The following NSD1 variants were observed in gnomAD, a reference collection of about 807,000 sequenced individuals.
The protein encoded by NSD1 is histone-lysine N-methyltransferase, H3 lysine-36 specific.
NSD1 carries 26 observed loss-of-function variants against 242.7 expected under a neutral mutation model. The observed-to-expected ratio is 0.11, with a 90% confidence interval of 0.08 to 0.15. The LOEUF (loss-of-function observed/expected upper bound fraction) is 0.15. NSD1 is among the 10% of genes least tolerant of loss of function. NSD1 has a pLI of 1.00. For synonymous variants in NSD1, 1,106 were observed against 1,178.1 expected, an observed-to-expected ratio of 0.94 and a Z score of 1.25; for missense variants, 2,495 against 3,272.8, an observed-to-expected ratio of 0.76 and a Z score of 5.80.
At chr5:177,164,122 A>G (rs1194188755) in intron 2 of NSD1, among the ~76,000 whole-genome samples, 1 of 148,008 alleles carries the variant, frequency 6.8e-6, no homozygotes. Context: ...AATCTGTCCC[A>G]TCCTGTTCTT....
At chr5:177,172,816 C>G (rs1330447983) in intron 2 of NSD1, among the ~76,000 whole-genome samples, 1 of 151,594 alleles carries the variant, frequency 6.6e-6, no homozygotes, top group Non-Finnish European at 1.5e-5. Context: ...TAAAAACTAG[C>G]TGGGCATGGT....
chr5:177,294,528 C>T lies in NSD1; in HGVS notation c.7160C>T (p.Pro2387Leu), dbSNP rs766700264. The T allele has an allele frequency of 4.0e-5, 64 of 1,614,074 alleles. 1 individual carries two copies. The South Asian group carries it at 4.1e-4, about 10-fold the overall frequency. Residue 2387 changes from proline to leucine, a missense_variant, in exon 23 of 23, where the codon CCG becomes CTG. Physicochemically the swap from Pro to Leu is moderately conservative, Grantham distance 98. Coordinates refer to ENST00000439151, the MANE Select transcript of NSD1 (RefSeq NM_022455.5). ...KTSVPTGLRL[P>L]PPDRLLITSS... Reference sequence around the variant, plus strand: ...TCAGTTCCCACTGGCCTGAGACTTCCGCCGCCAGACAGACTGCTCATTACT... The same window carrying T: ...TCAGTTCCCACTGGCCTGAGACTTCTGCCGCCAGACAGACTGCTCATTACT...
chr5:177,185,925 T>C (rs1761141962), intron 2 of NSD1, among the ~76,000 whole-genome samples: 1 of 90,028 alleles, frequency 1.1e-5, no homozygotes, highest in South Asian at 2.9e-4. Context: ...TATATTTATA[T>C]ATATAAATAA....
In NSD1 at chr5:177,297,597, C is replaced by T. The variant is rs1760330688; in HGVS notation, c.*2138C>T. The T allele has an allele frequency of 5.0e-6, 1 of 200,644 alleles. No individual in the cohort carries two copies. The highest frequency in any genetic ancestry group is 2.7e-5 in the African/African-American group (1 of 36,606). 12.4% of individuals were successfully genotyped at this position (200,644 alleles called of 1,614,324 possible). A position where few individuals can be genotyped will look rare whatever the true frequency, so the allele number is the denominator to read the frequency against. On this transcript the variant is annotated 3_prime_UTR_variant, in exon 23 of 23. Transcript: ENST00000439151. ...ATCTGCACTGCACTGTCAGAGTCTC[C>T]TTTCACTATGTTGTGTGTTAAATTA... is the stretch of plus-strand genomic sequence containing the variant.
At chr5:177,188,745 T>G (rs1485360826) in intron 2 of NSD1, among the ~76,000 whole-genome samples, 1 of 152,100 alleles carries the variant, frequency 6.6e-6, no homozygotes, top group Non-Finnish European at 1.5e-5. Flanking sequence ...ACGCCCAGCC[T>G]CGCCTCCTTA....
intron 2 of NSD1, among the ~76,000 whole-genome samples, 174 bp from the exon 3 acceptor site, chr5:177,191,710 T>C (rs886729000): frequency 2.0e-5 from 3 of 152,244 alleles, no homozygotes; most frequent in African/African-American, 4.8e-5. Context: ...GGCTATGTTA[T>C]GAACAATTAA....
Position 177,269,797 on chromosome 5 carries a change from A to G in NSD1, c.5499A>G (p.Thr1833=), listed in dbSNP as rs747153099. 3 of 1,611,264 alleles carry G rather than the reference A, an allele frequency of 1.9e-6. No homozygotes were observed. The highest frequency in any genetic ancestry group is 2.5e-6 in the Non-Finnish European group (3 of 1,178,246). The change falls in exon 16 of 23, where the codon ACA becomes ACG. Residue 1833 remains threonine (T), a synonymous_variant. Transcript: ENST00000439151. This position sits in a 1 kb window ranked among gnomAD's most constrained non-coding sequence, Gnocchi z 5.1. ...AGATGGGCAAAGGAGTGGATGGGAC[A>G]TATAAAAAAGGTAACTTTATCCTTT... ...KDKMGKGVDG[T]YKKALQEAAA... is the part of the protein sequence containing the mutation.
At position 177,135,756 on chromosome 5, in the gene NSD1, G is replaced by T. The variant is rs1240149522; in HGVS notation, c.653G>T (p.Arg218Ile). 1.2e-6 allele frequency: 2 copies of T among 1,613,932 alleles called. No homozygotes were observed. The highest frequency in any genetic ancestry group is 1.7e-5 in the Admixed American group (1 of 59,998). ...GAACAAGACAGCACACCAGAGAGTA[G>T]ACACGGTGCAGTCAAATCGCCATTC... Reference protein sequence around the residue: ...GSEQDSTPESRHGAVKSPFLP... With the variant: ...GSEQDSTPESIHGAVKSPFLP... The change falls in exon 2 of 23, where the codon AGA becomes ATA. Residue 218 changes from arginine (R) to isoleucine (I), a missense_variant. By Grantham distance (97) the Arg-to-Ile change is moderately conservative. Around this residue, in one of 19 missense-constraint regions of NSD1, gnomAD observed 376 missense variants for 367.4 expected, o/e 1.02. Coordinates refer to ENST00000439151, the MANE Select transcript of NSD1 (RefSeq NM_022455.5).
chr5:177,259,295 A>G (rs1050119985), intron 13 of NSD1, among the ~76,000 whole-genome samples: 6 of 152,194 alleles, frequency 3.9e-5, no homozygotes, highest in Admixed American at 3.9e-4. Flanking sequence ...CATGGGTCTC[A>G]TAAGTAATTT....
chr5:177,242,544 TG>T (rs1765962048), intron 8 of NSD1, among the ~76,000 whole-genome samples: 2 of 151,948 alleles, frequency 1.3e-5, no homozygotes, highest in South Asian at 2.1e-4. Flanking sequence ...TTTATTTATT[TG>T]AGACAGAGTT....
intron 14 of NSD1, chr5:177,265,543 G>A (rs1414523377): frequency 2.3e-6 from 2 of 858,710 alleles, no homozygotes; most frequent in Admixed American, 2.0e-5. Flanking sequence ...CAGCCCCTGG[G>A]CCCGTGCAGG....
intron 2 of NSD1, among the ~76,000 whole-genome samples, chr5:177,180,683 T>A (rs1760585126): frequency 6.6e-6 from 1 of 151,992 alleles, no homozygotes; most frequent in Non-Finnish European, 1.5e-5. Context: ...TTATTTATTT[T>A]ATTTATTTGT....
At chr5:177,146,966 C>CGCT (rs1757299836) in intron 2 of NSD1, among the ~76,000 whole-genome samples, 1 of 151,448 alleles carries the variant, frequency 6.6e-6, no homozygotes, top group Non-Finnish European at 1.5e-5. Flanking sequence ...GAGATCGCGC[C>CGCT]GCTGCACTCT....
At chr5:177,270,466 T>C (rs1452401751) in intron 16 of NSD1, among the ~76,000 whole-genome samples, 1 of 152,206 alleles carries the variant, frequency 6.6e-6, no homozygotes, top group South Asian at 2.1e-4. Flanking sequence ...GGTATCCCCT[T>C]AGTGGTAATT....
chr5:177,230,306 A>C (rs892580409), intron 5 of NSD1, among the ~76,000 whole-genome samples: 1 of 151,822 alleles, frequency 6.6e-6, no homozygotes, highest in Non-Finnish European at 1.5e-5. Context: ...CAAAGTAGAA[A>C]AGTGCCAGAT....
chr5:177,158,494 C>T (rs940204949), intron 2 of NSD1, among the ~76,000 whole-genome samples: 9 of 151,496 alleles, frequency 5.9e-5, no homozygotes, highest in South Asian at 2.1e-4. Flanking sequence ...CCCGCCACCA[C>T]GCCTGGCTAA....
At chr5:177,194,056 C>G (rs769901140) in intron 3 of NSD1, among the ~76,000 whole-genome samples, 13 of 151,946 alleles carry the variant, frequency 8.6e-5, no homozygotes, top group Non-Finnish European at 1.6e-4. Context: ...GGATTACAGG[C>G]GTGAGCCACC....
At chr5:177,289,156 A>G (rs1051393065) in intron 21 of NSD1, among the ~76,000 whole-genome samples, 1 of 151,944 alleles carries the variant, frequency 6.6e-6, no homozygotes, top group East Asian at 1.9e-4. Flanking sequence ...CCCATCTCTA[A>G]TAAGAATAGA....
At chr5:177,198,318 G>A (rs1328311995) in intron 3 of NSD1, among the ~76,000 whole-genome samples, 2 of 152,174 alleles carry the variant, frequency 1.3e-5, no homozygotes, top group East Asian at 3.8e-4. Context: ...GAGCCACTGT[G>A]CCTGGCCAAT....
Sources: gnomAD v4.1 joint callset for allele counts (sites outside exome capture counted in the v4.1 genomes callset) on GRCh38, gnomAD v4.1.1 for gene constraint, gnomAD v4.1.1 regional missense constraint, Gnocchi (gnomAD v3.1) non-coding constraint, MANE v1.5 for transcripts, NCBI Gene and HGNC (gene_info 2026-07-23, HGNC 2026-07-21) for gene names.